Variants in KCNK10 observed in about 807,000 individuals in gnomAD.
KCNK10 encodes potassium channel subfamily K member 10.
Under a neutral mutation model 47.7 loss-of-function variants are expected in KCNK10, and 25 were observed. The ratio of observed to expected loss-of-function variants is 0.52; its 90% CI spans 0.38 to 0.73. KCNK10 has a LOEUF of 0.73. Among genes scored for constraint, KCNK10 ranks in the 30% least tolerant of loss-of-function variants. KCNK10 has a pLI of 0.00. For missense variants in KCNK10, 563 were observed against 714.5 expected (o/e 0.79, Z 2.42); for synonymous variants, 303 against 285.6 (o/e 1.06, Z -0.61).
At chr14:88,258,655 T>C (rs1000640821) in intron 2 of KCNK10, among the ~76,000 whole-genome samples, 1 of 152,108 alleles carries the variant, frequency 6.6e-6, no homozygotes, top group Non-Finnish European at 1.5e-5. Context: ...TCAGCAGCAA[T>C]TCTGAGAACA....
At chr14:88,295,224 G>GGAA (rs1887962814) in intron 1 of KCNK10, among the ~76,000 whole-genome samples, 2 of 152,290 alleles carry the variant, frequency 1.3e-5, no homozygotes, top group Non-Finnish European at 2.9e-5. Context: ...CACCCTTGTG[G>GGAA]GAAGGCATTA....
intron 4 of KCNK10, among the ~76,000 whole-genome samples, chr14:88,199,805 A>C (rs1163658191): frequency 1.3e-5 from 2 of 152,212 alleles, no homozygotes. Flanking sequence ...GGTAAATGAC[A>C]AACAGGTATG....
intron 4 of KCNK10, among the ~76,000 whole-genome samples, chr14:88,197,861 A>G (rs1439358263): frequency 9.6e-4 from 42 of 43,840 alleles, no homozygotes; most frequent in Admixed American, 1.7e-3. Context: ...GAGGGAAGGG[A>G]GAGAGAGAGA....
rs572671387 is a variant in KCNK10 at position 88,183,266 on chromosome 14, C to A, written c.*2269G>T. 23 of 152,318 alleles carry A rather than the reference C, an allele frequency of 1.5e-4. No individual in the cohort carries two copies. The highest frequency in any genetic ancestry group is 5.5e-4 in the African/African-American group (23 of 41,546). The allele number at this position is 152,318 out of a possible 1,614,324, so 9.4% of individuals were successfully genotyped here. A position where few individuals can be genotyped will look rare whatever the true frequency, so the allele number is the denominator to read the frequency against. ...GTGTCGTGAAGTTTCAATGAGCTGA[C>A]GTTCATAAAGTGCCTAATCCTGTGC... On this transcript the variant is annotated 3_prime_UTR_variant, in exon 7 of 7. Coordinates refer to ENST00000319231, the MANE Select transcript of KCNK10 (RefSeq NM_138317.3).
At chr14:88,305,591 C>G (rs916360308) in intron 1 of KCNK10, among the ~76,000 whole-genome samples, 31 of 152,108 alleles carry the variant, frequency 2.0e-4, no homozygotes, top group Admixed American at 1.3e-4. Flanking sequence ...CCCCTCACTC[C>G]CACCATCAAA....
chr14:88,199,325 G>C (rs1042041625), intron 4 of KCNK10, among the ~76,000 whole-genome samples: 1 of 152,152 alleles, frequency 6.6e-6, no homozygotes, highest in Non-Finnish European at 1.5e-5. Context: ...GGGAAGGTGA[G>C]TTCCCTTCTT....
intron 2 of KCNK10, among the ~76,000 whole-genome samples, chr14:88,261,981 G>A (rs1361304602): frequency 6.6e-6 from 1 of 152,152 alleles, no homozygotes; most frequent in Non-Finnish European, 1.5e-5. Context: ...ACAAGAATAT[G>A]ATTGCTATGA....
At chr14:88,198,591 G>A (rs1566681871) in intron 4 of KCNK10, among the ~76,000 whole-genome samples, 1 of 152,170 alleles carries the variant, frequency 6.6e-6, no homozygotes. Context: ...GCTAAGCAGT[G>A]CACAGGAGTG....
chr14:88,235,575 A>G (rs749350451), intron 3 of KCNK10, among the ~76,000 whole-genome samples: 1 of 152,216 alleles, frequency 6.6e-6, no homozygotes, highest in African/African-American at 2.4e-5. Flanking sequence ...AAAATTCCCT[A>G]TTGATCACAA....
Position 88,186,026 on chromosome 14 carries a change from C to T in KCNK10, c.1141G>A (p.Glu381Lys), listed in dbSNP as rs759044568. The stretch of plus-strand genomic sequence containing the variant: ...TGGTCCAGGCCCAGCCGCCGGCGCT[C>T]CATGCTGCGGATGGTGGCCGCCCGC... ...LQRAATIRSM[E>K]RRRLGLDQRA... Residue 381 changes from glutamate (E) to lysine (K), a missense_variant, in exon 7 of 7, where the codon GAG becomes AAG. Glu to Lys is a moderately conservative substitution (Grantham distance 56, BLOSUM62 1). Coordinates refer to ENST00000319231, the MANE Select transcript of KCNK10 (RefSeq NM_138317.3). The surrounding 1 kb of genome is among the most constrained non-coding windows in gnomAD (Gnocchi z 5.5). 6.2e-7 allele frequency: 1 copy of T among 1,613,652 alleles called. No homozygotes were observed. Among genetic ancestry groups the T allele is most frequent in the African/African-American group, 1.3e-5 (1 of 75,040 alleles).
intron 1 of KCNK10, among the ~76,000 whole-genome samples, chr14:88,274,277 A>G (rs1887476720): frequency 6.6e-6 from 1 of 151,940 alleles, no homozygotes; most frequent in African/African-American, 2.4e-5. Flanking sequence ...AATAGACCAT[A>G]AGTAGTTATA....
chr14:88,241,365 C>T (rs1258128877), intron 2 of KCNK10, among the ~76,000 whole-genome samples: 1 of 152,130 alleles, frequency 6.6e-6, no homozygotes, highest in Non-Finnish European at 1.5e-5. Context: ...AGAGATAATA[C>T]CTTCCCCACA....
chr14:88,258,812 C>A (rs1406772561), intron 2 of KCNK10, among the ~76,000 whole-genome samples: 1 of 152,154 alleles, frequency 6.6e-6, no homozygotes, highest in African/African-American at 2.4e-5. Context: ...AGTGGTCTTA[C>A]TTGTTGGAAA....
intron 1 of KCNK10, among the ~76,000 whole-genome samples, chr14:88,273,718 T>C (rs929842384): frequency 6.6e-6 from 1 of 152,194 alleles, no homozygotes; most frequent in Non-Finnish European, 1.5e-5. Flanking sequence ...CCTGCCTCCA[T>C]GATCAAGGCC....
chr14:88,216,953 G>A (rs992529975), intron 4 of KCNK10, among the ~76,000 whole-genome samples: 10 of 152,232 alleles, frequency 6.6e-5, no homozygotes, highest in South Asian at 2.1e-4. Context: ...TAAGGAGTTC[G>A]AGACCAGCCT....
At position 88,181,866 on chromosome 14, in the gene KCNK10, C is replaced by A. The variant is rs991235012; in HGVS notation, c.*3669G>T. On this transcript the variant is annotated 3_prime_UTR_variant, in exon 7 of 7. Coordinates refer to ENST00000319231, the MANE Select transcript of KCNK10 (RefSeq NM_138317.3). The stretch of plus-strand genomic sequence containing the variant: ...TTAGAGAACTGCACAACTACAATGG[C>A]CCTTGACAAGTATCTGTGCTCAACT... 4.6e-5 allele frequency: 7 copies of A among 152,298 alleles called. No individual in the cohort carries two copies. In the East Asian group the frequency reaches 1.3e-3, roughly 29 times the overall value. 9.4% of individuals were successfully genotyped at this position (152,298 alleles called of 1,614,324 possible).
At chr14:88,249,461 T>C (rs185366002) in intron 2 of KCNK10, among the ~76,000 whole-genome samples, 87 of 152,302 alleles carry the variant, frequency 5.7e-4, no homozygotes, top group African/African-American at 2.0e-3. Flanking sequence ...GAAGGTCCTC[T>C]TGGGGGTCCC....
intron 4 of KCNK10, among the ~76,000 whole-genome samples, chr14:88,196,441 T>G (rs1213824978): frequency 6.6e-6 from 1 of 152,218 alleles, no homozygotes; most frequent in Non-Finnish European, 1.5e-5. Flanking sequence ...TCTGTTTTTG[T>G]TTACTTCCAC....
chr14:88,227,967 C>T (rs545327593), intron 3 of KCNK10, among the ~76,000 whole-genome samples: 49 of 152,240 alleles, frequency 3.2e-4, no homozygotes, highest in Admixed American at 7.2e-4. Context: ...CTGTGGCTGT[C>T]TTGAAGGGTA....
Sources: gnomAD v4.1 joint callset for allele counts (sites outside exome capture counted in the v4.1 genomes callset) on GRCh38, gnomAD v4.1.1 for gene constraint, Gnocchi (gnomAD v3.1) non-coding constraint, MANE v1.5 for transcripts, NCBI Gene and HGNC (gene_info 2026-07-23, HGNC 2026-07-21) for gene names.